POMGNT1: variants seen among roughly 807,000 people sequenced by gnomAD.
The protein encoded by POMGNT1 is protein O-linked-mannose beta-1,2-N-acetylglucosaminyltransferase 1.
In POMGNT1, 67 loss-of-function variants were observed where a neutral mutation model predicts 95.6. The observed-to-expected ratio is 0.70, with a 90% CI of 0.58 to 0.86. The LOEUF is 0.86. Ranked by LOEUF, POMGNT1 falls within the 40% of genes least tolerant of loss-of-function variation. POMGNT1 has a pLI of 0.00. For synonymous variants in POMGNT1, 298 were observed against 317.9 expected, an observed-to-expected ratio of 0.94 and a Z score of 0.66; for missense variants, 719 against 855.2, an observed-to-expected ratio of 0.84 and a Z score of 1.99.
chr1:46,209,086 G>A lies in POMGNT1; in HGVS notation c.-51+10619C>T, dbSNP rs569182616. 5.3e-5 allele frequency among the ~76,000 whole-genome samples: 8 copies of A among 151,416 alleles called. No individual in the cohort carries two copies. In the South Asian group the frequency reaches 1.0e-3, roughly 20 times the overall value. ...GTTGCCCAGGCTGGAGTGCAATGGC[G>A]CAATCTTGGCTCACCGCAACCTCCG... On this transcript the variant is annotated intron_variant, in intron 1 of 22. Transcript: ENST00000371992.
chr1:46,197,436 C>T lies in POMGNT1; in HGVS notation c.120+266G>A, dbSNP rs993972827. 7.4e-6 allele frequency: 11 copies of T among 1,492,766 alleles called. No individual in the cohort carries two copies. In the Admixed American group the frequency reaches 1.9e-4, roughly 25 times the overall value. The allele number at this position is 1,492,766 out of a possible 1,614,324, so 92.5% of individuals were successfully genotyped here. ...AGACCTGGGTCCTGGCCCTAACTGCCTCACAGGGGTGTGCCTCTCTGCAAA... is the reference window on the plus strand; with the variant it reads ...AGACCTGGGTCCTGGCCCTAACTGCTTCACAGGGGTGTGCCTCTCTGCAAA... On this transcript the variant is annotated intron_variant, in intron 2 of 21. Transcript: ENST00000371984.
Position 46,190,400 on chromosome 1 carries a change from T to G in POMGNT1, c.1649+73A>C. On this transcript the variant is annotated intron_variant, in intron 19 of 21. Transcript: ENST00000371984. ...GATTTTCATTTTGCACAGGACCCTG[T>G]AAATTATGGGGCCAAGATCCCCAGT... 1.3e-5 allele frequency: 19 copies of G among 1,512,640 alleles called. No individual in the cohort carries two copies. In the South Asian group the frequency reaches 1.6e-4, roughly 13 times the overall value. The allele number at this position is 1,512,640 out of a possible 1,614,324, so 93.7% of individuals were successfully genotyped here.
At chr1:46,219,714 A>G (rs1318622102) in exon 1 of POMGNT1, 1 of 1,595,780 alleles carries the variant, frequency 6.3e-7, no homozygotes, top group Non-Finnish European at 8.5e-7. Context: ...CCTGCGAGCC[A>G]TCGATGTGAA....
chr1:46,217,584 G>C (rs967233257), intron 1 of POMGNT1, among the ~76,000 whole-genome samples: 2 of 152,104 alleles, frequency 1.3e-5, no homozygotes, highest in Admixed American at 1.3e-4. Flanking sequence ...GCCTGGGCGT[G>C]GTGGTTCACG....
rs773913718 is a variant in POMGNT1, at chr1:46,189,249, C to G, written c.*21G>C. 3 of 1,609,494 alleles carry G rather than the reference C, an allele frequency of 1.9e-6. No homozygotes were observed. The South Asian group carries it at 3.3e-5, about 18-fold the overall frequency. On this transcript the variant is annotated 3_prime_UTR_variant, in exon 22 of 22. Coordinates refer to ENST00000371984, the MANE Select transcript of POMGNT1 (RefSeq NM_017739.4). ...CCTGGGGGTACACAGTACCCAGCCCCGCAGGGTCCTGGAGGAGGTCTCATG... is the reference window on the plus strand; with the variant it reads ...CCTGGGGGTACACAGTACCCAGCCCGGCAGGGTCCTGGAGGAGGTCTCATG...
At chr1:46,210,503 C>T (rs1300290333) in intron 1 of POMGNT1, among the ~76,000 whole-genome samples, 2 of 152,148 alleles carry the variant, frequency 1.3e-5, no homozygotes, top group East Asian at 1.9e-4. Context: ...AGACACTAGT[C>T]GTAAATCTGG....
At chr1:46,198,496 A>AGAGGGCGACGGGCGGTGCT (rs1553164408), upstream of POMGNT1, 1 of 150,238 alleles carries the variant, frequency 6.7e-6, no homozygotes, top group African/African-American at 2.5e-5. Context: ...CCGCGGGGTG[A>AGAGGGCGACGGGCGGTGCT]GAGGGCGACG....
At chr1:46,202,731 A>G (rs997243520), upstream of POMGNT1, among the ~76,000 whole-genome samples, 2 of 144,358 alleles carry the variant, frequency 1.4e-5, no homozygotes, top group Non-Finnish European at 3.0e-5. Context: ...AAAATGCAGG[A>G]TCTCAAGCCC....
chr1:46,194,521 G>A (rs1439258825), intron 8 of POMGNT1, 32 bp downstream of exon 8: 6 of 1,613,942 alleles, frequency 3.7e-6, no homozygotes, highest in Non-Finnish European at 5.1e-6. Context: ...CCCAGCCCAG[G>A]CCCTGCCCCA....
chr1:46,194,663 C>A lies in POMGNT1; in HGVS notation c.653-12G>T. 6.2e-7 allele frequency: 1 copy of A among 1,614,262 alleles called. No individual in the cohort carries two copies. Among genetic ancestry groups the A allele is most frequent in the Non-Finnish European group, 8.5e-7 (1 of 1,180,046 alleles). ...CCCGAAGACAGGACCTGGCAGGAGG[C>A]AGGAATGAGGGCCATGGGGGCCCAG... is the stretch of plus-strand genomic sequence containing the variant. On this transcript the variant is annotated splice_polypyrimidine_tract_variant and intron_variant, in intron 7 of 21. Coordinates refer to ENST00000371984, the MANE Select transcript of POMGNT1 (RefSeq NM_017739.4).
At position 46,192,451 on chromosome 1, in the gene POMGNT1, C is replaced by T. The variant is rs1417853925; in HGVS notation, c.1285-15G>A. 1.2e-6 allele frequency: 2 copies of T among 1,614,104 alleles called. No individual in the cohort carries two copies. The highest frequency in any genetic ancestry group is 1.7e-6 in the Non-Finnish European group (2 of 1,180,030). On this transcript the variant is annotated splice_polypyrimidine_tract_variant and intron_variant, in intron 15 of 21. Coordinates refer to ENST00000371984, the MANE Select transcript of POMGNT1 (RefSeq NM_017739.4). ...TGTTCATACCCCTGGGGACAGGGTG[C>T]CATAGTGGGAGGTATTAGCTGAGGC... is the stretch of plus-strand genomic sequence containing the variant.
chr1:46,189,968 G>T lies in POMGNT1; in HGVS notation c.1671C>A (p.His557Gln). The T allele has an allele frequency of 6.2e-7, 1 of 1,614,176 alleles. No individual in the cohort carries two copies. The highest frequency in any genetic ancestry group is 8.5e-7 in the Non-Finnish European group (1 of 1,180,038). The change falls in exon 20 of 22, where the codon CAC becomes CAA. Residue 557 changes from histidine (H) to glutamine (Q), a missense_variant. This residue lies in a region of POMGNT1 where 130 missense variants were observed against 149.2 expected (regional missense o/e 0.87). Transcript: ENST00000371984. ...RLLSEAEVLD[H>Q]SKNPCEDSFL... Reference sequence around the variant, plus strand: ...AAGAGTCTTCACAAGGGTTCTTGCTGTGGTCCAGAACCTCAGCCTCACTGC... The same window carrying T: ...AAGAGTCTTCACAAGGGTTCTTGCTTTGGTCCAGAACCTCAGCCTCACTGC...
intron 17 of POMGNT1, chr1:46,191,782 C>A: frequency 2.8e-6 from 1 of 360,248 alleles, no homozygotes; most frequent in Non-Finnish European, 5.4e-6. Flanking sequence ...CTACAGGCGC[C>A]CATCACCAGG....
chr1:46,214,298 A>G (rs751504243), intron 1 of POMGNT1, among the ~76,000 whole-genome samples: 23 of 151,778 alleles, frequency 1.5e-4, no homozygotes, highest in Non-Finnish European at 2.8e-4. Flanking sequence ...GTGAGCCGAG[A>G]TCGTGCCACT....
intron 1 of POMGNT1, among the ~76,000 whole-genome samples, chr1:46,212,799 G>A (rs960465987): frequency 4.7e-5 from 7 of 147,892 alleles, no homozygotes; most frequent in East Asian, 2.0e-4. Flanking sequence ...TCGCTCTGTC[G>A]CCCAGGCTGG....
At chr1:46,200,511 C>G (rs377169721), upstream of POMGNT1, among the ~76,000 whole-genome samples, 119 of 152,376 alleles carry the variant, frequency 7.8e-4, no homozygotes, top group South Asian at 0.024. Flanking sequence ...CTCCAGTGAC[C>G]AGTCCAGGTA....
intron 10 of POMGNT1, 71 bp downstream of exon 10, chr1:46,193,784 G>A (rs1008492988): frequency 6.2e-6 from 10 of 1,604,620 alleles, no homozygotes; most frequent in Non-Finnish European, 7.7e-6. Context: ...CACCTCAAGA[G>A]TTCCTCCTGG....
chr1:46,195,992 A>T lies in POMGNT1; in HGVS notation c.420+20T>A. ...GAGCCCAGCTCCAGCCCTCTGGGTC[A>T]CCCACCCCTAGAAACTCACCGTGGC... On this transcript the variant is annotated intron_variant, in intron 5 of 21. Transcript: ENST00000371984. 1 of 1,613,990 alleles carries T rather than the reference A, an allele frequency of 6.2e-7. No homozygotes were observed. Among genetic ancestry groups the T allele is most frequent in the Non-Finnish European group, 8.5e-7 (1 of 1,180,000 alleles).
chr1:46,210,463 G>A (rs1245790148), intron 1 of POMGNT1, among the ~76,000 whole-genome samples: 1 of 152,056 alleles, frequency 6.6e-6, no homozygotes, highest in African/African-American at 2.4e-5. Context: ...ACAGGTTGAG[G>A]GCTCAGTCCC....
Sources: gnomAD v4.1 joint callset for allele counts (sites outside exome capture counted in the v4.1 genomes callset) on GRCh38, gnomAD v4.1.1 for gene constraint, gnomAD v4.1.1 regional missense constraint, MANE v1.5 for transcripts, NCBI Gene and HGNC (gene_info 2026-07-23, HGNC 2026-07-21) for gene names.